The following DLGAP1 variants were observed in gnomAD, a reference collection of about 807,000 sequenced individuals.
DLGAP1 encodes the protein DLG associated protein 1.
A neutral mutation model predicts 90.8 loss-of-function variants in DLGAP1; 11 were observed. The ratio of observed to expected loss-of-function variants is 0.12; its 90% confidence interval spans 0.08 to 0.20. The LOEUF is 0.20. Ranked by LOEUF, DLGAP1 falls within the 10% of genes least tolerant of loss-of-function variation. DLGAP1 has a pLI of 1.00. For synonymous variants in DLGAP1, 558 were observed against 540.7 expected (o/e 1.03, Z -0.44); for missense variants, 1,050 against 1,333.8 (o/e 0.79, Z 3.31).
At chr18:3,830,949 T>C (rs2067999372) in intron 4 of DLGAP1, among the ~76,000 whole-genome samples, 1 of 152,224 alleles carries the variant, frequency 6.6e-6, no homozygotes, top group Non-Finnish European at 1.5e-5. Context: ...TGTACCTATT[T>C]TATTCAACTG....
At chr18:3,582,619 A>G (rs2055588840) in intron 7 of DLGAP1, among the ~76,000 whole-genome samples, 1 of 152,242 alleles carries the variant, frequency 6.6e-6, no homozygotes, top group African/African-American at 2.4e-5. Context: ...CTTCAGGGAA[A>G]AAACTAAATA....
intron 1 of DLGAP1, among the ~76,000 whole-genome samples, chr18:4,418,294 C>T (rs928171938): frequency 1.3e-5 from 2 of 152,076 alleles, no homozygotes; most frequent in Non-Finnish European, 2.9e-5. Flanking sequence ...GCAATAAAAA[C>T]ATAAAGTATA....
intron 7 of DLGAP1, among the ~76,000 whole-genome samples, chr18:3,684,188 T>A (rs406698): frequency 0.43 from 64,830 of 150,924 alleles, 15,029 homozygotes; most frequent in African/African-American, 0.61. Flanking sequence ...TTAATTAAAA[T>A]TTTTTTTCCT....
chr18:3,529,998 A>G (rs1454144755), intron 10 of DLGAP1, among the ~76,000 whole-genome samples: 2 of 152,324 alleles, frequency 1.3e-5, no homozygotes, highest in East Asian at 3.9e-4. Context: ...TCTTTATACA[A>G]TGAGTATCCT....
intron 8 of DLGAP1, among the ~76,000 whole-genome samples, chr18:3,573,582 G>A (rs2054934884): frequency 6.6e-6 from 1 of 151,594 alleles, no homozygotes; most frequent in Non-Finnish European, 1.5e-5. Flanking sequence ...CATGAATGTT[G>A]AGAAAACCTT....
chr18:3,921,107 G>A (rs143572223), intron 3 of DLGAP1, among the ~76,000 whole-genome samples: 1 of 152,314 alleles, frequency 6.6e-6, no homozygotes, highest in East Asian at 1.9e-4. Context: ...TAGACAGCAT[G>A]AGCCTGGGAA....
At position 3,964,467 on chromosome 18, in the gene DLGAP1, G is replaced by A. The variant is rs138931780; in HGVS notation, c.-73+40649C>T. On this transcript the variant is annotated intron_variant, in intron 3 of 12. Transcript: ENST00000315677. Reference sequence around the variant, plus strand: ...CATTTGCAGTGTTTGAGATGTTCCTGGACTGTCCACATGTTCAATAAATAG... The same window carrying A: ...CATTTGCAGTGTTTGAGATGTTCCTAGACTGTCCACATGTTCAATAAATAG... Among the ~76,000 whole-genome samples the A allele has an allele frequency of 3.8e-3, 577 of 152,264 alleles. 7 individuals are homozygous for A. The highest frequency in any genetic ancestry group is 0.013 in the African/African-American group (543 of 41,552).
At chr18:3,549,157 A>G (rs972630627) in intron 9 of DLGAP1, among the ~76,000 whole-genome samples, 5 of 152,236 alleles carry the variant, frequency 3.3e-5, no homozygotes, top group South Asian at 2.1e-4. Flanking sequence ...TATGAAAAAT[A>G]GAAATGCCTG....
intron 5 of DLGAP1, among the ~76,000 whole-genome samples, chr18:3,811,265 G>A (rs2066827035): frequency 1.3e-5 from 2 of 152,198 alleles, no homozygotes; most frequent in African/African-American, 4.8e-5. Context: ...GGATGTGATG[G>A]TAGCACAGGG....
At chr18:4,167,249 T>C (rs1004192691) in intron 1 of DLGAP1, among the ~76,000 whole-genome samples, 2 of 152,140 alleles carry the variant, frequency 1.3e-5, no homozygotes, top group Non-Finnish European at 2.9e-5. Flanking sequence ...TAATTATTGA[T>C]AGAGTAAATA....
intron 7 of DLGAP1, among the ~76,000 whole-genome samples, chr18:3,723,571 G>T (rs1465827504): frequency 2.0e-5 from 3 of 152,054 alleles, no homozygotes; most frequent in Admixed American, 6.6e-5. Context: ...TGTGGGGGGG[G>T]AGTGGGGAGC....
intron 9 of DLGAP1, among the ~76,000 whole-genome samples, chr18:3,535,802 C>T (rs560661554): frequency 3.7e-4 from 56 of 152,048 alleles, no homozygotes; most frequent in African/African-American, 1.1e-3. Flanking sequence ...GAGGCCGAGG[C>T]GGGCAGATCA....
intron 1 of DLGAP1, among the ~76,000 whole-genome samples, chr18:4,263,125 G>A (rs2145278643): frequency 6.6e-6 from 1 of 152,070 alleles, no homozygotes; most frequent in East Asian, 1.9e-4. Flanking sequence ...GTAGAGATGG[G>A]GTTTCTTCAT....
At chr18:3,670,233 T>C (rs2060040914) in intron 7 of DLGAP1, among the ~76,000 whole-genome samples, 1 of 152,192 alleles carries the variant, frequency 6.6e-6, no homozygotes. Flanking sequence ...AATGGAACAG[T>C]GGATGACTAG....
chr18:4,096,894 G>A (rs1279923603), intron 2 of DLGAP1, among the ~76,000 whole-genome samples: 1 of 152,290 alleles, frequency 6.6e-6, no homozygotes, highest in Admixed American at 6.5e-5. Context: ...ATGGTACCTG[G>A]CAAAGTTGTA....
intron 7 of DLGAP1, chr18:3,597,292 A>G: frequency 2.1e-6 from 1 of 486,758 alleles, no homozygotes; most frequent in Non-Finnish European, 4.0e-6. Flanking sequence ...TCTGGAATGG[A>G]ATCACATGAC....
At chr18:3,926,880 G>A (rs1396777842) in intron 3 of DLGAP1, among the ~76,000 whole-genome samples, 2 of 152,070 alleles carry the variant, frequency 1.3e-5, no homozygotes, top group Non-Finnish European at 2.9e-5. Context: ...GGGGCAACAT[G>A]AGGTGAGCCT....
intron 1 of DLGAP1, among the ~76,000 whole-genome samples, chr18:4,155,871 G>T (rs2076747801): frequency 6.6e-6 from 1 of 152,250 alleles, no homozygotes; most frequent in Admixed American, 6.5e-5. Flanking sequence ...CCTGGCTGCT[G>T]GTTTGGAACA....
chr18:4,311,259 T>C (rs2143455870), intron 1 of DLGAP1, among the ~76,000 whole-genome samples: 1 of 152,132 alleles, frequency 6.6e-6, no homozygotes, highest in Admixed American at 6.5e-5. Context: ...ATAGCTTGAC[T>C]TTGACAAAGG....
Sources: allele counts gnomAD v4.1 joint callset (sites outside exome capture counted in the v4.1 genomes callset), GRCh38; gene constraint gnomAD v4.1.1; transcripts MANE v1.5; gene names NCBI Gene and HGNC (gene_info 2026-07-23, HGNC 2026-07-21).